The following KIAA0319L variants were observed in gnomAD, a reference collection of about 807,000 sequenced individuals.
KIAA0319L encodes dyslexia-associated protein KIAA0319-like protein.
In KIAA0319L, 55 loss-of-function variants were observed where a neutral mutation model predicts 120.1. That is an observed-to-expected ratio of 0.46 (90% CI 0.37 to 0.57). The LOEUF (loss-of-function observed/expected upper bound fraction) is 0.57, where lower values mean the gene tolerates loss of function less well. KIAA0319L is among the 20% of genes least tolerant of loss of function. KIAA0319L has a pLI of 0.00. For synonymous variants in KIAA0319L, 398 were observed against 471.9 expected, an observed-to-expected ratio of 0.84 and a Z score of 2.03; for missense variants, 1,049 against 1,255.3, an observed-to-expected ratio of 0.84 and a Z score of 2.48.
chr1:35,443,085 A>G, intron 17 of KIAA0319L, 57 bp from the exon 18 acceptor site: 2 of 1,609,370 alleles, frequency 1.2e-6, no homozygotes, highest in Non-Finnish European at 1.7e-6. Context: ...GGTGACAAGC[A>G]GCACCTAGAG....
chr1:35,440,905 T>A, intron 20 of KIAA0319L, 142 bp downstream of exon 20: 1 of 752,772 alleles, frequency 1.3e-6, no homozygotes, highest in South Asian at 1.5e-5. Flanking sequence ...AATCTGACCC[T>A]CAGTCTTCAT....
rs116765447 is a variant in KIAA0319L at position 35,433,707 on chromosome 1, A to G, written c.*1187T>C. 5.2e-3 allele frequency: 790 copies of G among 152,538 alleles called. 7 individuals carry two copies. The highest frequency in any genetic ancestry group is 0.018 in the South Asian group (86 of 4,836). 9.4% of individuals were successfully genotyped at this position (152,538 alleles called of 1,614,324 possible). A position where few individuals can be genotyped will look rare whatever the true frequency, so the allele number is the denominator to read the frequency against. The stretch of plus-strand genomic sequence containing the variant: ...GTCAAATTTGCCTTGTGAGCAGCCA[A>G]GAGCCCAATGAGTTGATGCATACGC... On this transcript the variant is annotated 3_prime_UTR_variant, in exon 21 of 21. Transcript: ENST00000325722.
chr1:35,485,844 G>A (rs963127469), intron 3 of KIAA0319L, among the ~76,000 whole-genome samples: 3 of 151,848 alleles, frequency 2.0e-5, no homozygotes, highest in African/African-American at 7.3e-5. Context: ...TCACTATGTT[G>A]AGTTCCAGGC....
intron 2 of KIAA0319L, among the ~76,000 whole-genome samples, chr1:35,541,349 CTTTTT>C (rs528087751): frequency 7.8e-6 from 1 of 127,512 alleles, no homozygotes. Flanking sequence ...TTTTTTTTTC[CTTTTT>C]TTTTTTTTTT....
chr1:35,515,334 A>AT (rs1645637781), intron 2 of KIAA0319L, among the ~76,000 whole-genome samples: 1 of 146,610 alleles, frequency 6.8e-6, no homozygotes, highest in South Asian at 2.2e-4. Flanking sequence ...AAAAAGAACC[A>AT]AAATTGTACC....
Position 35,446,583 on chromosome 1 carries a change from TCAC to T in KIAA0319L, c.2513+1587_2513+1589del, listed in dbSNP as rs369262932. On this transcript the variant is annotated intron_variant, in intron 16 of 20. Coordinates refer to ENST00000325722, the MANE Select transcript of KIAA0319L (RefSeq NM_024874.5). ...AAACCCATAGGCCTACTTTGTGTTC[TCAC>T]CACACCTCCATCCCTGTAGCATCTG... Among the ~76,000 whole-genome samples, 82 of 152,296 alleles carry T rather than the reference TCAC, an allele frequency of 5.4e-4. 1 individual carries two copies. The highest frequency in any genetic ancestry group is 1.9e-3 in the African/African-American group (78 of 41,570).
chr1:35,489,242 C>A (rs1463998146), intron 3 of KIAA0319L, among the ~76,000 whole-genome samples: 1 of 152,028 alleles, frequency 6.6e-6, no homozygotes, highest in Non-Finnish European at 1.5e-5. Context: ...ACATGGTGGA[C>A]TTTCTGTTCC....
At position 35,522,973 on chromosome 1, in the gene KIAA0319L, C is replaced by G. The variant is rs1355339624; in HGVS notation, c.143-15838G>C. Among the ~76,000 whole-genome samples the G allele has an allele frequency of 3.4e-5, 5 of 144,970 alleles. No individual in the cohort carries two copies. The East Asian group carries it at 6.1e-4, about 18-fold the overall frequency. ...GGCAGAGGTTGCAGTGAGCTGAGATCGCACCACTGCACTCCAGCCTGGCAA... is the reference window on the plus strand; with the variant it reads ...GGCAGAGGTTGCAGTGAGCTGAGATGGCACCACTGCACTCCAGCCTGGCAA... On this transcript the variant is annotated intron_variant, in intron 2 of 20. Transcript: ENST00000325722.
At chr1:35,441,393 G>C (rs888305182) in intron 19 of KIAA0319L, among the ~76,000 whole-genome samples, 1 of 152,204 alleles carries the variant, frequency 6.6e-6, no homozygotes, top group Non-Finnish European at 1.5e-5. Context: ...ATGAAGGACA[G>C]ATTGGTTAAA....
At chr1:35,464,560 AT>A (rs1643122936) in intron 7 of KIAA0319L, among the ~76,000 whole-genome samples, 1 of 152,222 alleles carries the variant, frequency 6.6e-6, no homozygotes, top group East Asian at 1.9e-4. Context: ...AGTTCAGAAA[AT>A]TTGCAGCCTG....
intron 7 of KIAA0319L, among the ~76,000 whole-genome samples, chr1:35,464,741 G>C (rs1643133986): frequency 6.6e-6 from 1 of 152,212 alleles, no homozygotes; most frequent in Non-Finnish European, 1.5e-5. Flanking sequence ...TGGAGGCCTG[G>C]AGGCCTAGGA....
chr1:35,535,625 T>C (rs1229989631), intron 2 of KIAA0319L, among the ~76,000 whole-genome samples: 1 of 152,228 alleles, frequency 6.6e-6, no homozygotes, highest in Non-Finnish European at 1.5e-5. Context: ...GTACTTAACA[T>C]GAGCCTGGCA....
chr1:35,556,811 G>A (rs1157092190), intron 1 of KIAA0319L: 1 of 151,904 alleles, frequency 6.6e-6, no homozygotes, highest in African/African-American at 2.4e-5. Context: ...CATTATAATG[G>A]ACACATCGTG....
intron 2 of KIAA0319L, among the ~76,000 whole-genome samples, chr1:35,552,477 T>C (rs1647302344): frequency 6.6e-6 from 1 of 152,228 alleles, no homozygotes; most frequent in African/African-American, 2.4e-5. Context: ...TCTTGCTGTG[T>C]GACCTTGGCC....
At chr1:35,517,295 T>C (rs76411083) in intron 2 of KIAA0319L, among the ~76,000 whole-genome samples, 1 of 152,074 alleles carries the variant, frequency 6.6e-6, no homozygotes, top group Non-Finnish European at 1.5e-5. Context: ...TGGTACCACG[T>C]TACCCGACTT....
chr1:35,484,807 T>TATATATA (rs1491128815), intron 3 of KIAA0319L, among the ~76,000 whole-genome samples: 1 of 28,876 alleles, frequency 3.5e-5, no homozygotes, highest in African/African-American at 1.8e-4. Flanking sequence ...TATATATATA[T>TATATATA]TTTTTTTTTT....
intron 2 of KIAA0319L, among the ~76,000 whole-genome samples, chr1:35,523,906 T>TGGGAG (rs1017375616): frequency 1.3e-4 from 19 of 150,944 alleles, no homozygotes; most frequent in African/African-American, 4.5e-4. Context: ...GTTTAAAAGT[T>TGGGAG]GGGAGGGGAG....
At chr1:35,521,710 C>A (rs1487582062) in intron 2 of KIAA0319L, among the ~76,000 whole-genome samples, 2 of 151,542 alleles carry the variant, frequency 1.3e-5, no homozygotes, top group South Asian at 4.2e-4. Flanking sequence ...CGGTGGCTCA[C>A]GCCTGTAATC....
chr1:35,547,184 A>G lies in KIAA0319L; in HGVS notation c.142+7166T>C, dbSNP rs540910268. On this transcript the variant is annotated intron_variant, in intron 2 of 20. Coordinates refer to ENST00000325722, the MANE Select transcript of KIAA0319L (RefSeq NM_024874.5). ...AATTACATATAATTATACATATTAT[A>G]CGTGATTATATATAATCCAGCAATT... Among the ~76,000 whole-genome samples, 442 of 146,880 alleles carry G rather than the reference A, an allele frequency of 3.0e-3. 1 individual carries two copies. Among genetic ancestry groups the G allele is most frequent in the Non-Finnish European group, 4.7e-3 (312 of 66,948 alleles).
Sources: allele counts gnomAD v4.1 joint callset (sites outside exome capture counted in the v4.1 genomes callset), GRCh38; gene constraint gnomAD v4.1.1; transcripts MANE v1.5; gene names NCBI Gene and HGNC (gene_info 2026-07-23, HGNC 2026-07-21).